Variants in HORMAD2 observed in about 807,000 individuals in gnomAD.
The protein encoded by HORMAD2 is HORMA domain-containing protein 2.
Under a neutral mutation model 38.8 loss-of-function variants are expected in HORMAD2, and 45 were observed. The observed-to-expected ratio is 1.16, with a 90% confidence interval of 0.91 to 1.49. HORMAD2 has a LOEUF of 1.49. Among genes scored for constraint, HORMAD2 ranks in the 40% most tolerant of loss-of-function variants. HORMAD2 has a pLI of 0.00. For missense variants in HORMAD2, 338 were observed against 367.0 expected, an observed-to-expected ratio of 0.92 and a Z score of 0.65; for synonymous variants, 126 against 122.8, an observed-to-expected ratio of 1.03 and a Z score of -0.17.
intron 7 of HORMAD2, among the ~76,000 whole-genome samples, chr22:30,116,110 G>A (rs530216562): frequency 1.3e-5 from 2 of 152,078 alleles, no homozygotes; most frequent in South Asian, 2.1e-4. Context: ...ATCATTAACC[G>A]GAGACCACAT....
chr22:30,187,647 C>A, the HORMAD2 span, among the ~76,000 whole-genome samples: 58 of 151,944 alleles, frequency 3.8e-4, no homozygotes, highest in African/African-American at 1.3e-3. Flanking sequence ...TAAGTACTGG[C>A]CCAGCTAAGT....
At chr22:30,078,742 A>ATATG (rs1349723365), upstream of HORMAD2, among the ~76,000 whole-genome samples, 1 of 150,826 alleles carries the variant, frequency 6.6e-6, no homozygotes, top group African/African-American at 2.4e-5. Context: ...AAGTCTTTGG[A>ATATG]TATGGTAGCA....
intron 10 of HORMAD2, among the ~76,000 whole-genome samples, chr22:30,141,226 G>A (rs1924048317): frequency 6.6e-6 from 1 of 152,248 alleles, no homozygotes; most frequent in East Asian, 1.9e-4. Context: ...TCAAACTCCT[G>A]ACTTCAAGTG....
chr22:30,081,955 TGA>T (rs1170915655), intron 1 of HORMAD2, among the ~76,000 whole-genome samples: 1 of 152,090 alleles, frequency 6.6e-6, no homozygotes, highest in East Asian at 1.9e-4. Context: ...GTATACAGTG[TGA>T]GATTTAGGTT....
intron 1 of HORMAD2, 22 bp downstream of exon 1, chr22:30,080,513 G>A (rs1268715360): frequency 1.3e-5 from 2 of 152,370 alleles, no homozygotes; most frequent in East Asian, 1.9e-4. Flanking sequence ...TGAGACGCGA[G>A]GTCTCGGCCC....
chr22:30,158,154 C>T (rs936556628), intron 10 of HORMAD2, among the ~76,000 whole-genome samples: 1 of 151,894 alleles, frequency 6.6e-6, no homozygotes, highest in Non-Finnish European at 1.5e-5. Flanking sequence ...AAAGAGCTCC[C>T]TCAATTCTCT....
At chr22:30,206,992 G>A in the HORMAD2 span, 14 of 456,078 alleles carry the variant, frequency 3.1e-5, no homozygotes, top group African/African-American at 8.1e-5. Context: ...TAGGGACTTC[G>A]GCAGAGACAG....
At chr22:30,140,497 TTCTTGAG>T (rs1419412742) in intron 10 of HORMAD2, among the ~76,000 whole-genome samples, 1 of 152,226 alleles carries the variant, frequency 6.6e-6, no homozygotes, top group East Asian at 1.9e-4. Flanking sequence ...TTTCAATTTC[TTCTTGAG>T]TCAGTTTTGG....
At chr22:30,118,721 C>G (rs908289421) in intron 7 of HORMAD2, among the ~76,000 whole-genome samples, 1 of 152,124 alleles carries the variant, frequency 6.6e-6, no homozygotes, top group African/African-American at 2.4e-5. Context: ...AGATATTTGA[C>G]TCTGTGATTT....
Position 30,091,529 on chromosome 22 carries a change from G to T in HORMAD2, c.-37-2387G>T, listed in dbSNP as rs543351693. ...AACCTGCCTGCCTCAACCTCCCAAA[G>T]TGCTGGGATTACAGACATGAGCTGC... On this transcript the variant is annotated intron_variant, in intron 1 of 10. Transcript: ENST00000336726. 5.9e-5 allele frequency among the ~76,000 whole-genome samples: 9 copies of T among 152,168 alleles called. No individual in the cohort carries two copies. The South Asian group carries it at 1.9e-3, about 32-fold the overall frequency.
Position 30,122,066 on chromosome 22 carries a change from C to T in HORMAD2, c.671C>T (p.Ser224Phe). 6.2e-7 allele frequency: 1 copy of T among 1,613,618 alleles called. No homozygotes were observed. Among genetic ancestry groups the T allele is most frequent in the Non-Finnish European group, 8.5e-7 (1 of 1,179,778 alleles). ...EPINVQVGFVSTGFHSMKVKV... is the reference protein window; with the variant it reads ...EPINVQVGFVFTGFHSMKVKV... ...ATCAACGTGCAAGTGGGATTTGTCT[C>T]CACTGGCTTTCATAGCATGAAAGTA... The change falls in exon 10 of 11, where the codon TCC (serine) becomes TTC (phenylalanine). Residue 224 changes from serine (S) to phenylalanine (F), a missense_variant. Ser to Phe is a radical substitution (Grantham distance 155). Coordinates refer to ENST00000336726, the MANE Select transcript of HORMAD2 (RefSeq NM_152510.4).
chr22:30,122,168 C>T lies in HORMAD2; in HGVS notation c.773C>T (p.Ala258Val). 6.2e-7 allele frequency: 1 copy of T among 1,613,396 alleles called. No homozygotes were observed. Among genetic ancestry groups the T allele is most frequent in the Non-Finnish European group, 8.5e-7 (1 of 1,179,604 alleles). The change falls in exon 10 of 11, where the codon GCC becomes GTC. Residue 258 changes from alanine (A) to valine (V), a missense_variant. Ala to Val is a moderately conservative substitution (Grantham distance 64). Coordinates refer to ENST00000336726, the MANE Select transcript of HORMAD2 (RefSeq NM_152510.4). The part of the protein sequence containing the change: ...LFRENSTTEI[A>V]HQGLDCDEEE... ...CGGGAGAACAGCACTACTGAGATCG[C>T]CCATCAGGGTCTAGACTGTGATGAG...
chr22:30,131,622 A>C (rs1168786795), intron 10 of HORMAD2, among the ~76,000 whole-genome samples: 1 of 152,190 alleles, frequency 6.6e-6, no homozygotes, highest in African/African-American at 2.4e-5. Flanking sequence ...AGTATTTTTA[A>C]AGTTTATTCA....
intron 1 of HORMAD2, among the ~76,000 whole-genome samples, chr22:30,091,930 G>A (rs1166458507): frequency 6.6e-6 from 1 of 152,002 alleles, no homozygotes; most frequent in African/African-American, 2.4e-5. Context: ...AGGCTGGAGT[G>A]CAGTGACAAG....
At chr22:30,105,720 C>T (rs1365187403) in intron 5 of HORMAD2, among the ~76,000 whole-genome samples, 1 of 152,206 alleles carries the variant, frequency 6.6e-6, no homozygotes, top group African/African-American at 2.4e-5. Context: ...GGCTGATGAT[C>T]AGCTGTTACA....
chr22:30,187,314 A>T, the HORMAD2 span, among the ~76,000 whole-genome samples: 2 of 152,198 alleles, frequency 1.3e-5, no homozygotes, highest in South Asian at 2.1e-4. Context: ...GAAATTAAGT[A>T]ATTTGCTTAA....
intron 10 of HORMAD2, among the ~76,000 whole-genome samples, chr22:30,126,118 A>G (rs1319972404): frequency 6.6e-6 from 1 of 152,140 alleles, no homozygotes; most frequent in Non-Finnish European, 1.5e-5. Flanking sequence ...TTCTATTCGC[A>G]TAGATTAGTT....
chr22:30,163,771 GGTTT>G lies in HORMAD2; in HGVS notation c.820-12288_820-12285del, dbSNP rs1213897146. Among the ~76,000 whole-genome samples the G allele has an allele frequency of 3.3e-5, 5 of 151,852 alleles. No individual in the cohort carries two copies. The South Asian group carries it at 8.3e-4, about 25-fold the overall frequency. Reference sequence around the variant, plus strand: ...TTATTTTTATTTTTATTTTTGTGTTGGTTTGTTATTGTGGTAAAATATACATAAT... The same window carrying G: ...TTATTTTTATTTTTATTTTTGTGTTGGTTATTGTGGTAAAATATACATAAT... On this transcript the variant is annotated intron_variant, in intron 10 of 10. Transcript: ENST00000336726.
At position 30,098,872 on chromosome 22, in the gene HORMAD2, A is replaced by G; in HGVS notation, c.72A>G (p.Gln24=). ...KASKETVFPS[Q]ITNEHESLKM... ...TCCAGGAAACAGTTTTCCCATCCCA[A>G]ATCACTAATGAGCATGAGTCATTGA... is the stretch of plus-strand genomic sequence containing the variant. The change falls in exon 3 of 11, where the codon CAA becomes CAG. Residue 24 remains glutamine, a synonymous_variant. Transcript: ENST00000336726. 6.2e-7 allele frequency: 1 copy of G among 1,611,536 alleles called. No individual in the cohort carries two copies. The highest frequency in any genetic ancestry group is 1.1e-5 in the South Asian group (1 of 90,556).
Sources: gnomAD v4.1 joint callset for allele counts (sites outside exome capture counted in the v4.1 genomes callset) on GRCh38, gnomAD v4.1.1 for gene constraint, MANE v1.5 for transcripts, NCBI Gene and HGNC (gene_info 2026-07-23, HGNC 2026-07-21) for gene names.